JPT2: variants seen among roughly 807,000 people sequenced by gnomAD.
The protein encoded by JPT2 is CRAMP_1 like.
In JPT2, 9 loss-of-function variants were observed where a neutral mutation model predicts 15.9. That is an observed-to-expected ratio of 0.57 (90% CI 0.34 to 0.99). The LOEUF is 0.99. Among genes scored for constraint, JPT2 ranks in the 50% least tolerant of loss-of-function variants. The pLI is 0.02. For missense variants in JPT2, 267 were observed against 252.1 expected, an observed-to-expected ratio of 1.06 and a Z score of -0.40; for synonymous variants, 95 against 91.7, an observed-to-expected ratio of 1.04 and a Z score of -0.21.
intron 2 of JPT2, among the ~76,000 whole-genome samples, chr16:1,687,374 A>G (rs148323081): frequency 6.6e-6 from 1 of 152,160 alleles, no homozygotes; most frequent in Non-Finnish European, 1.5e-5. Flanking sequence ...TTAAGTGACT[A>G]ACATTCTCGT....
intron 1 of JPT2, among the ~76,000 whole-genome samples, chr16:1,684,829 T>G (rs2037052527): frequency 6.6e-6 from 1 of 151,368 alleles, no homozygotes; most frequent in Non-Finnish European, 1.5e-5. Flanking sequence ...GAGAATCACT[T>G]GAACCCAGGA....
chr16:1,691,736 G>T (rs1259215284), intron 2 of JPT2, 107 bp from the exon 3 acceptor site: 2 of 1,341,066 alleles, frequency 1.5e-6, no homozygotes, highest in Non-Finnish European at 1.0e-6. Flanking sequence ...CTCAGGGCTG[G>T]CACTCGGGGT....
At chr16:1,691,187 G>A (rs2037101447) in intron 2 of JPT2, among the ~76,000 whole-genome samples, 2 of 152,184 alleles carry the variant, frequency 1.3e-5, no homozygotes, top group Non-Finnish European at 2.9e-5. Flanking sequence ...GGAATGTTAG[G>A]CACGGGCATT....
intron 2 of JPT2, chr16:1,686,339 T>TTCTA (rs1460813613): frequency 6.9e-6 from 1 of 144,592 alleles, no homozygotes; most frequent in African/African-American, 2.6e-5. Context: ...CACCACTGCA[T>TTCTA]TCTAGCCTGG....
At chr16:1,683,101 T>C (rs1323609611) in intron 1 of JPT2, among the ~76,000 whole-genome samples, 2 of 152,138 alleles carry the variant, frequency 1.3e-5, no homozygotes, top group Admixed American at 6.5e-5. Context: ...CCCAGCCTCC[T>C]GAGTAGCTGG....
rs1242071945 is a variant in JPT2 at position 1,691,880 on chromosome 16, C to T, written c.231C>T (p.Pro77=). 67 of 1,613,962 alleles carry T rather than the reference C, an allele frequency of 4.2e-5. No homozygotes were observed. The highest frequency in any genetic ancestry group is 8.9e-5 in the East Asian group (4 of 44,874). The stretch of plus-strand genomic sequence containing the variant: ...GTGGTATCTTTGACGAATCAACCCC[C>T]GTGCAGACTCGACAGCACCTGAACC... ...KGSGIFDEST[P]VQTRQHLNPP... Residue 77 remains proline (P), a synonymous_variant, in exon 3 of 5, where the codon CCC becomes CCT. Transcript: ENST00000248098.
chr16:1,679,317 C>G (rs956627931), intron 1 of JPT2, among the ~76,000 whole-genome samples: 3 of 152,162 alleles, frequency 2.0e-5, no homozygotes, highest in African/African-American at 7.2e-5. Context: ...TGCTTCTCAG[C>G]CTTTTGGCTA....
At chr16:1,693,104 TTTG>T (rs2037115551) in intron 3 of JPT2, among the ~76,000 whole-genome samples, 1 of 152,198 alleles carries the variant, frequency 6.6e-6, no homozygotes, top group African/African-American at 2.4e-5. Context: ...TTCGTTTTAT[TTTG>T]TTTTTTCTTT....
At chr16:1,702,242 A>G (rs921794503), downstream of JPT2, 13 of 436,632 alleles carry the variant, frequency 3.0e-5, no homozygotes, top group Admixed American at 3.4e-4. Context: ...ATGAGATGAA[A>G]GTCAACGCTT....
In JPT2 at chr16:1,687,918, A is replaced by G. The variant is rs182192918; in HGVS notation, c.193+2331A>G. Among the ~76,000 whole-genome samples the G allele has an allele frequency of 2.5e-3, 383 of 152,300 alleles. 3 individuals carry two copies. The highest frequency in any genetic ancestry group is 8.7e-3 in the African/African-American group (363 of 41,566). Reference sequence around the variant, plus strand: ...CCTCTAGTTGCAGGGCTTGATTGAGAAAAGTATGCAGAGGCCGAGAGTGTG... The same window carrying G: ...CCTCTAGTTGCAGGGCTTGATTGAGGAAAGTATGCAGAGGCCGAGAGTGTG... On this transcript the variant is annotated intron_variant, in intron 2 of 4. Transcript: ENST00000248098.
chr16:1,681,127 C>T (rs961427930), intron 1 of JPT2, among the ~76,000 whole-genome samples: 5 of 152,210 alleles, frequency 3.3e-5, no homozygotes, highest in African/African-American at 1.2e-4. Flanking sequence ...TAGCGTTCCC[C>T]CTCCCCCTAT....
At chr16:1,683,413 CCCTT>C in intron 1 of JPT2, 1 of 585,280 alleles carries the variant, frequency 1.7e-6, no homozygotes, top group Non-Finnish European at 3.0e-6. Flanking sequence ...TCCCGGACAG[CCCTT>C]TCTCATTTAA....
chr16:1,680,583 G>T (rs925164823), intron 1 of JPT2: 19 of 973,144 alleles, frequency 2.0e-5, no homozygotes, highest in African/African-American at 3.5e-5. Flanking sequence ...CAGGGCGGGC[G>T]CCTTGTAAGC....
chr16:1,696,520 C>CA (rs56844421), intron 3 of JPT2, among the ~76,000 whole-genome samples: 3,621 of 111,880 alleles, frequency 0.032, 209 homozygotes, highest in Admixed American at 0.17. Context: ...GACTCCGTGT[C>CA]AAAAAAAAAA....
chr16:1,695,341 G>A (rs1957611337), intron 3 of JPT2, among the ~76,000 whole-genome samples: 1 of 151,738 alleles, frequency 6.6e-6, no homozygotes, highest in Non-Finnish European at 1.5e-5. Flanking sequence ...GGAGGTGGAG[G>A]TTGCAGTGAG....
At chr16:1,692,197 A>G in intron 3 of JPT2, 1 of 642,884 alleles carries the variant, frequency 1.6e-6, no homozygotes, top group East Asian at 2.9e-5. Flanking sequence ...GCCGTGGGGG[A>G]AGCTCTTCTG....
At position 1,685,690 on chromosome 16, in the gene JPT2, G is replaced by A. The variant is rs926837860; in HGVS notation, c.193+103G>A. ...ATCCTTTCCCATATTGTCTGGTTCA[G>A]GTAATCACTTGTTATCAGAGTTCTT... On this transcript the variant is annotated intron_variant, in intron 2 of 4. Coordinates refer to ENST00000248098, the MANE Select transcript of JPT2 (RefSeq NM_144570.3). The A allele has an allele frequency of 4.0e-5, 50 of 1,239,752 alleles. No individual in the cohort carries two copies. The African/African-American group carries it at 6.7e-4, about 17-fold the overall frequency. The allele number at this position is 1,239,752 out of a possible 1,614,324, so 76.8% of individuals were successfully genotyped here.
At chr16:1,681,226 C>T (rs901210091) in intron 1 of JPT2, among the ~76,000 whole-genome samples, 6 of 152,250 alleles carry the variant, frequency 3.9e-5, no homozygotes, top group Non-Finnish European at 7.4e-5. Flanking sequence ...GTCTATTGAA[C>T]GCTCAGTTCC....
At chr16:1,694,324 G>T (rs1012628478) in intron 3 of JPT2, among the ~76,000 whole-genome samples, 1 of 152,190 alleles carries the variant, frequency 6.6e-6, no homozygotes, top group East Asian at 1.9e-4. Context: ...GCTCAAATCA[G>T]ACCAAGCCAC....
Sources: allele counts gnomAD v4.1 joint callset (sites outside exome capture counted in the v4.1 genomes callset), GRCh38; gene constraint gnomAD v4.1.1; transcripts MANE v1.5; gene names NCBI Gene and HGNC (gene_info 2026-07-23, HGNC 2026-07-21).